CDC42BPA: variants seen among roughly 807,000 people sequenced by gnomAD.
CDC42BPA encodes serine/threonine-protein kinase MRCK alpha.
Under a neutral mutation model 223.5 loss-of-function variants are expected in CDC42BPA, and 80 were observed. That is an observed-to-expected ratio of 0.36 (90% CI 0.30 to 0.43). CDC42BPA has a LOEUF of 0.43. CDC42BPA is among the 20% of genes least tolerant of loss of function. The probability of loss-of-function intolerance (pLI) is 1.00; values close to 1 mark genes in which losing one functional copy is unlikely to be tolerated. For missense variants in CDC42BPA, 1,743 were observed against 2,099.9 expected (o/e 0.83, Z 3.32); for synonymous variants, 694 against 718.6 (o/e 0.97, Z 0.55).
chr1:227,024,650 C>G (rs531539704), intron 31 of CDC42BPA, among the ~76,000 whole-genome samples: 47 of 152,096 alleles, frequency 3.1e-4, no homozygotes, highest in Non-Finnish European at 6.8e-4. Context: ...ACGAATGAGA[C>G]TCAGTGGATG....
At chr1:227,095,881 C>T (rs759899570) in intron 15 of CDC42BPA, among the ~76,000 whole-genome samples, 22 of 152,092 alleles carry the variant, frequency 1.4e-4, no homozygotes, top group Non-Finnish European at 2.6e-4. Flanking sequence ...CATGGGCCAC[C>T]GTGCCCAGCA....
rs10715170 is a variant in CDC42BPA, at chr1:227,282,188, C to CA, written c.179-28034dup. Among the ~76,000 whole-genome samples, 518 of 105,592 alleles carry CA rather than the reference C, an allele frequency of 4.9e-3. 6 individuals are homozygous for CA. In the East Asian group the frequency reaches 0.053, roughly 11 times the overall value. 69.3% of individuals were successfully genotyped at this position (105,592 alleles called of 152,430 possible). ...GGGCAACAAAAGCAAAACTCCGTCT[C>CA]AAAAAAAAAAAAAAAAAAGGGAAAA... is the stretch of plus-strand genomic sequence containing the variant. On this transcript the variant is annotated intron_variant, in intron 1 of 36. Transcript: ENST00000366766.
At chr1:227,082,835 G>C (rs1484802750) in intron 16 of CDC42BPA, among the ~76,000 whole-genome samples, 2 of 151,482 alleles carry the variant, frequency 1.3e-5, no homozygotes, top group South Asian at 4.2e-4. Flanking sequence ...TAAGTTGGCA[G>C]TTATTTTACT....
intron 23 of CDC42BPA, among the ~76,000 whole-genome samples, chr1:227,045,992 G>C (rs1296490235): frequency 2.0e-5 from 3 of 151,994 alleles, no homozygotes; most frequent in Non-Finnish European, 4.4e-5. Context: ...TTTTCATATA[G>C]ACAGGGTTTT....
chr1:227,221,246 C>A (rs1558798882), intron 2 of CDC42BPA, among the ~76,000 whole-genome samples: 1 of 152,110 alleles, frequency 6.6e-6, no homozygotes, highest in African/African-American at 2.4e-5. Context: ...GATCTCTACT[C>A]CACCTTTTTT....
rs535868558 is a variant in CDC42BPA, at chr1:227,276,174, C to T, written c.179-22019G>A. Among the ~76,000 whole-genome samples, 6 of 150,630 alleles carry T rather than the reference C, an allele frequency of 4.0e-5. No homozygotes were observed. In the East Asian group the frequency reaches 5.9e-4, roughly 15 times the overall value. ...GAAGTGAGGAGCGTCTCTGCCCTGCCGCCCATCGTCTGAGATGTGGGGAGC... is the reference window on the plus strand; with the variant it reads ...GAAGTGAGGAGCGTCTCTGCCCTGCTGCCCATCGTCTGAGATGTGGGGAGC... On this transcript the variant is annotated intron_variant, in intron 1 of 36. Transcript: ENST00000366766.
chr1:227,244,775 T>C (rs1211376787), intron 2 of CDC42BPA, among the ~76,000 whole-genome samples: 2 of 152,146 alleles, frequency 1.3e-5, no homozygotes, highest in South Asian at 2.1e-4. Context: ...AAAAAAGGCA[T>C]TGAGGAAGAC....
chr1:227,077,276 C>T (rs1015278591), intron 17 of CDC42BPA, among the ~76,000 whole-genome samples: 2 of 152,120 alleles, frequency 1.3e-5, no homozygotes, highest in African/African-American at 4.8e-5. Context: ...GTAAAAATAT[C>T]TATCTCACAG....
chr1:227,239,350 A>C (rs927810305), intron 2 of CDC42BPA, among the ~76,000 whole-genome samples: 2 of 152,224 alleles, frequency 1.3e-5, no homozygotes, highest in African/African-American at 4.8e-5. Context: ...TGGCAGATAC[A>C]TAACATACAT....
chr1:227,232,451 C>G (rs1011800116), intron 2 of CDC42BPA, among the ~76,000 whole-genome samples: 1 of 152,156 alleles, frequency 6.6e-6, no homozygotes. Flanking sequence ...TGTTCCGTTG[C>G]TGGCAAGGAG....
rs986097405 is a variant in CDC42BPA at position 227,258,867 on chromosome 1, C to T, written c.179-4712G>A. 8.6e-5 allele frequency among the ~76,000 whole-genome samples: 13 copies of T among 150,334 alleles called. 1 individual carries two copies. The highest frequency in any genetic ancestry group is 3.2e-4 in the African/African-American group (13 of 40,044). ...AATTTTGAATATAAAAGACAAATTG[C>T]AAAAGACTTTATATTCATTACAACA... On this transcript the variant is annotated intron_variant, in intron 1 of 36. Transcript: ENST00000366766.
intron 1 of CDC42BPA, among the ~76,000 whole-genome samples, chr1:227,312,871 C>T (rs748855322): frequency 2.0e-5 from 3 of 152,102 alleles, no homozygotes; most frequent in Non-Finnish European, 4.4e-5. Context: ...CTCTCTCTTC[C>T]TCCCACTCCA....
At chr1:226,996,007 T>C (rs1572131283) in intron 35 of CDC42BPA, among the ~76,000 whole-genome samples, 1 of 152,220 alleles carries the variant, frequency 6.6e-6, no homozygotes, top group South Asian at 2.1e-4. Flanking sequence ...ATTTATCTAA[T>C]GACCACCAAA....
At position 227,035,463 on chromosome 1, in the gene CDC42BPA, A is replaced by G; in HGVS notation, c.3336+8T>C. The G allele has an allele frequency of 6.3e-7, 1 of 1,599,554 alleles. No individual in the cohort carries two copies. The highest frequency in any genetic ancestry group is 8.5e-7 in the Non-Finnish European group (1 of 1,174,752). On this transcript the variant is annotated splice_region_variant and intron_variant, in intron 25 of 36. Transcript: ENST00000366766. ...GGATTAATCTAAACCCAACTTAATC[A>G]TACTTACCCTGACATGACCTTCATA...
chr1:227,169,947 T>C (rs1665793687), intron 5 of CDC42BPA, among the ~76,000 whole-genome samples: 1 of 152,190 alleles, frequency 6.6e-6, no homozygotes. Flanking sequence ...TATTTCTAAT[T>C]AAGGCACCCT....
At chr1:227,097,312 G>C (rs894688851) in intron 15 of CDC42BPA, among the ~76,000 whole-genome samples, 1 of 130,266 alleles carries the variant, frequency 7.7e-6, no homozygotes, top group African/African-American at 2.9e-5. Context: ...TCTTATCAAA[G>C]GCACCAATGA....
At position 226,994,933 on chromosome 1, in the gene CDC42BPA, C is replaced by T. The variant is rs752590269; in HGVS notation, c.5023G>A (p.Gly1675Arg). Residue 1675 changes from glycine to arginine, a missense_variant, in exon 36 of 37, where the codon GGA becomes AGA. Around this residue, in one of 6 missense-constraint regions of CDC42BPA, gnomAD observed 200 missense variants for 192.8 expected, o/e 1.04. Coordinates refer to ENST00000366766, the MANE Select transcript of CDC42BPA (RefSeq NM_001394014.1). This position sits in a 1 kb window ranked among gnomAD's most constrained non-coding sequence, Gnocchi z 4.0. ...GSALKREFSG[G>R]SYSAKRQPMP... Reference sequence around the variant, plus strand: ...GGCTGCCGCTTGGCACTGTAGCTTCCTCCAGAGAATTCCCTCTTTAATGCG... The same window carrying T: ...GGCTGCCGCTTGGCACTGTAGCTTCTTCCAGAGAATTCCCTCTTTAATGCG... The T allele has an allele frequency of 2.5e-5, 41 of 1,614,184 alleles. No individual in the cohort carries two copies. Among genetic ancestry groups the T allele is most frequent in the Non-Finnish European group, 3.2e-5 (38 of 1,180,030 alleles).
At chr1:227,245,284 CTT>C (rs759666049) in intron 2 of CDC42BPA, among the ~76,000 whole-genome samples, 20 of 81,786 alleles carry the variant, frequency 2.4e-4, no homozygotes, top group Middle Eastern at 8.9e-3. Flanking sequence ...TGTCTTGCAT[CTT>C]TTTTTTTTTT....
At chr1:227,039,495 C>T (rs1362236958) in intron 24 of CDC42BPA, among the ~76,000 whole-genome samples, 1 of 152,068 alleles carries the variant, frequency 6.6e-6, no homozygotes, top group African/African-American at 2.4e-5. Flanking sequence ...AAACCATTTT[C>T]ACTTCAGAGG....
Sources: allele counts gnomAD v4.1 joint callset (sites outside exome capture counted in the v4.1 genomes callset), GRCh38; gene constraint gnomAD v4.1.1; regional missense constraint gnomAD v4.1.1; non-coding constraint Gnocchi (gnomAD v3.1); transcripts MANE v1.5; gene names NCBI Gene and HGNC (gene_info 2026-07-23, HGNC 2026-07-21).